The following IGF1R variants were observed in gnomAD, a reference collection of about 807,000 sequenced individuals.
IGF1R encodes the protein insulin-like growth factor 1 receptor.
A neutral mutation model predicts 144.6 loss-of-function variants in IGF1R; 44 were observed. The ratio of observed to expected loss-of-function variants is 0.30; its 90% CI spans 0.24 to 0.39. IGF1R has a LOEUF of 0.39. IGF1R is among the 10% of genes least tolerant of loss of function. The probability of loss-of-function intolerance (pLI) is 1.00; values close to 1 mark genes in which losing one functional copy is unlikely to be tolerated. For synonymous variants in IGF1R, 795 were observed against 722.8 expected (o/e 1.10, Z -1.60); for missense variants, 1,355 against 1,833.7 (o/e 0.74, Z 4.77).
At chr15:98,798,209 G>T (rs1297618004) in intron 2 of IGF1R, among the ~76,000 whole-genome samples, 2 of 152,168 alleles carry the variant, frequency 1.3e-5, no homozygotes, top group African/African-American at 4.8e-5. Context: ...GGGGTACAGG[G>T]TACGTGGTGC....
intron 1 of IGF1R, among the ~76,000 whole-genome samples, chr15:98,692,292 C>G (rs143185570): frequency 6.6e-6 from 1 of 152,128 alleles, no homozygotes. Context: ...GAGCCGAGAT[C>G]GTGCCACTGC....
intron 11 of IGF1R, among the ~76,000 whole-genome samples, chr15:98,923,566 T>G (rs2015580873): frequency 6.6e-6 from 1 of 152,258 alleles, no homozygotes; most frequent in Non-Finnish European, 1.5e-5. Context: ...TTTCCTGCTG[T>G]GCTTGGCAGC....
In IGF1R at chr15:98,707,733, G is replaced by A. The variant is rs1455239044; in HGVS notation, c.266G>A (p.Arg89Gln). ...TVITEYLLLF[R>Q]VAGLESLGDL... ...ATTACCGAGTACTTGCTGCTGTTCC[G>A]AGTGGCTGGCCTCGAGAGCCTCGGA... is the stretch of plus-strand genomic sequence containing the variant. The change falls in exon 2 of 21, where the codon CGA becomes CAA. Residue 89 changes from arginine to glutamine, a missense_variant. By Grantham distance (43) the Arg-to-Gln change is conservative (BLOSUM62 1). Around this residue, in one of 7 missense-constraint regions of IGF1R, gnomAD observed 75 missense variants for 160.0 expected, o/e 0.47. Coordinates refer to ENST00000650285, the MANE Select transcript of IGF1R (RefSeq NM_000875.5). This position sits in a 1 kb window ranked among gnomAD's most constrained non-coding sequence, Gnocchi z 6.7. 6.2e-7 allele frequency: 1 copy of A among 1,614,074 alleles called. No homozygotes were observed. Among genetic ancestry groups the A allele is most frequent in the Non-Finnish European group, 8.5e-7 (1 of 1,180,004 alleles).
intron 1 of IGF1R, among the ~76,000 whole-genome samples, chr15:98,701,273 A>G (rs1167595680): frequency 1.3e-5 from 2 of 151,200 alleles, no homozygotes; most frequent in East Asian, 3.9e-4. Context: ...AAAGAAGGCT[A>G]ATTATGTTTC....
rs184048413 is a variant in IGF1R at position 98,710,231 on chromosome 15, C to T, written c.640+2124C>T. Among the ~76,000 whole-genome samples, 95 of 152,222 alleles carry T rather than the reference C, an allele frequency of 6.2e-4. 1 individual carries two copies. Among genetic ancestry groups the T allele is most frequent in the African/African-American group, 2.2e-3 (90 of 41,542 alleles). ...CCCTGCAGCCTTCTCCTTGACCATC[C>T]CAGCCCTGCTGATGTTCCTTGTGAT... is the stretch of plus-strand genomic sequence containing the variant. On this transcript the variant is annotated intron_variant, in intron 2 of 20. Coordinates refer to ENST00000650285, the MANE Select transcript of IGF1R (RefSeq NM_000875.5).
chr15:98,888,739 C>G (rs757621078), intron 2 of IGF1R, among the ~76,000 whole-genome samples: 2 of 152,126 alleles, frequency 1.3e-5, no homozygotes, highest in Non-Finnish European at 2.9e-5. Context: ...GCTCTGAAGA[C>G]ATGTCTCAGT....
intron 1 of IGF1R, among the ~76,000 whole-genome samples, chr15:98,679,453 G>A (rs4284619): frequency 0.9 from 136,537 of 152,208 alleles, 61,634 homozygotes; most frequent in Middle Eastern, 0.96. Context: ...GGTGGACCTC[G>A]TCTGTAACAG....
chr15:98,672,940 T>G (rs534619162), intron 1 of IGF1R, among the ~76,000 whole-genome samples: 16 of 152,352 alleles, frequency 1.1e-4, no homozygotes, highest in Middle Eastern at 3.4e-3. Context: ...TCAGTAAGTC[T>G]TCTTTGGAGA....
chr15:98,896,146 C>T (rs964998320), intron 3 of IGF1R, among the ~76,000 whole-genome samples: 1 of 152,124 alleles, frequency 6.6e-6, no homozygotes, highest in African/African-American at 2.4e-5. Flanking sequence ...ACATTTGGAT[C>T]AATTTACAAG....
At chr15:98,863,574 T>C (rs988781286) in intron 2 of IGF1R, among the ~76,000 whole-genome samples, 5 of 152,242 alleles carry the variant, frequency 3.3e-5, no homozygotes, top group African/African-American at 9.6e-5. Context: ...CATAAACTTT[T>C]TAACTAGCAG....
At chr15:98,899,925 G>C (rs1396222566) in intron 5 of IGF1R, among the ~76,000 whole-genome samples, 1 of 152,140 alleles carries the variant, frequency 6.6e-6, no homozygotes, top group East Asian at 1.9e-4. Flanking sequence ...GGGCTTTTCT[G>C]CCAAGAATGA....
Position 98,935,032 on chromosome 15 carries a change from G to A in IGF1R, c.3165G>A (p.Lys1055=), listed in dbSNP as rs1259214118. The part of the protein sequence containing the change: ...IEFLNEASVM[K]EFNCHHVVRL... The stretch of plus-strand genomic sequence containing the variant: ...TTCTCAACGAAGCTTCTGTGATGAA[G>A]GAGTTCAATTGTCACCATGTGGTAA... The change falls in exon 16 of 21, where the codon AAG becomes AAA. Residue 1055 remains lysine (K), a synonymous_variant. Transcript: ENST00000650285. The surrounding 1 kb of genome is among the most constrained non-coding windows in gnomAD (Gnocchi z 4.2). 6.2e-7 allele frequency: 1 copy of A among 1,613,918 alleles called. No homozygotes were observed. Among genetic ancestry groups the A allele is most frequent in the Admixed American group, 1.7e-5 (1 of 60,024 alleles).
intron 2 of IGF1R, among the ~76,000 whole-genome samples, chr15:98,833,333 G>A (rs1360677254): frequency 1.3e-5 from 2 of 152,178 alleles, no homozygotes; most frequent in African/African-American, 4.8e-5. Flanking sequence ...CAGTACTTGT[G>A]ATTGACCTGG....
chr15:98,750,268 A>T (rs1008147875), intron 2 of IGF1R, among the ~76,000 whole-genome samples: 2 of 152,154 alleles, frequency 1.3e-5, no homozygotes, highest in Admixed American at 1.3e-4. Flanking sequence ...TGGCCTGGGC[A>T]GTTTTGCGCT....
At chr15:98,954,868 C>A (rs553630924) in intron 20 of IGF1R, among the ~76,000 whole-genome samples, 30 of 152,344 alleles carry the variant, frequency 2.0e-4, no homozygotes, top group African/African-American at 7.0e-4. Context: ...TTTATCAATG[C>A]AAACCACATC....
At chr15:98,810,189 G>A (rs2056556142) in intron 2 of IGF1R, among the ~76,000 whole-genome samples, 1 of 152,058 alleles carries the variant, frequency 6.6e-6, no homozygotes, top group African/African-American at 2.4e-5. Context: ...GAATCTCTGA[G>A]AAACTTGACT....
chr15:98,948,897 G>T (rs1011009541), intron 20 of IGF1R, among the ~76,000 whole-genome samples, 189 bp downstream of exon 20: 5 of 152,176 alleles, frequency 3.3e-5, no homozygotes, highest in Admixed American at 6.5e-5. Flanking sequence ...TTTTCCGTGG[G>T]TACCTTAATT....
At chr15:98,759,476 T>C (rs529113083) in intron 2 of IGF1R, among the ~76,000 whole-genome samples, 1 of 152,370 alleles carries the variant, frequency 6.6e-6, no homozygotes, top group South Asian at 2.1e-4. Flanking sequence ...TTCCCCTGCA[T>C]TACAGAAGAA....
chr15:98,805,079 A>G (rs1054225048), intron 2 of IGF1R, among the ~76,000 whole-genome samples: 6 of 152,250 alleles, frequency 3.9e-5, no homozygotes, highest in Admixed American at 6.5e-5. Context: ...TGAAACTGCC[A>G]TTATATTCAA....
Sources: gnomAD v4.1 joint callset for allele counts (sites outside exome capture counted in the v4.1 genomes callset) on GRCh38, gnomAD v4.1.1 for gene constraint, gnomAD v4.1.1 regional missense constraint, Gnocchi (gnomAD v3.1) non-coding constraint, MANE v1.5 for transcripts, NCBI Gene and HGNC (gene_info 2026-07-23, HGNC 2026-07-21) for gene names.